TNIK: variants seen among roughly 807,000 people sequenced by gnomAD.
The protein encoded by TNIK is TRAF2 and NCK interacting kinase.
A neutral mutation model predicts 191.3 loss-of-function variants in TNIK; 49 were observed. The ratio of observed to expected loss-of-function variants is 0.26; its 90% CI spans 0.20 to 0.32. TNIK has a LOEUF of 0.32. Among genes scored for constraint, TNIK ranks in the 10% least tolerant of loss-of-function variants. TNIK has a pLI of 1.00. For synonymous variants in TNIK, 594 were observed against 600.9 expected (o/e 0.99, Z 0.17); for missense variants, 1,155 against 1,702.3 (o/e 0.68, Z 5.66).
intron 1 of TNIK, among the ~76,000 whole-genome samples, chr3:171,415,274 T>TA (rs1722910768): frequency 6.6e-6 from 1 of 152,200 alleles, no homozygotes; most frequent in African/African-American, 2.4e-5. Context: ...TGTTTCATCA[T>TA]AGCACTTAAC....
rs765177133 is a variant in TNIK at position 171,066,485 on chromosome 3, T to G, written c.3859+91A>C. 34 of 1,505,814 alleles carry G rather than the reference T, an allele frequency of 2.3e-5. No individual in the cohort carries two copies. In the East Asian group the frequency reaches 2.6e-4, roughly 11 times the overall value. The allele number at this position is 1,505,814 out of a possible 1,614,324, so 93.3% of individuals were successfully genotyped here. On this transcript the variant is annotated intron_variant, in intron 31 of 32. Transcript: ENST00000436636. ...TTCACAGATTTTTTTTTTTTTTTTT[T>G]TGTGGAATCAAATGGTTGTTTCACA...
chr3:171,171,496 C>A (rs555858667), intron 9 of TNIK, among the ~76,000 whole-genome samples: 31 of 152,354 alleles, frequency 2.0e-4, no homozygotes, highest in African/African-American at 7.2e-4. Flanking sequence ...ACACCTGCAT[C>A]TGAAGCATGA....
chr3:171,395,035 A>T (rs1310386262), intron 1 of TNIK, among the ~76,000 whole-genome samples: 3 of 152,196 alleles, frequency 2.0e-5, no homozygotes, highest in Non-Finnish European at 4.4e-5. Context: ...ACTAAACAAT[A>T]TACGGCTTGA....
chr3:171,172,915 A>G (rs1735492335), intron 9 of TNIK, among the ~76,000 whole-genome samples: 1 of 152,196 alleles, frequency 6.6e-6, no homozygotes, highest in Non-Finnish European at 1.5e-5. Flanking sequence ...AAGCCGAAAA[A>G]TCAGACTGCA....
chr3:171,388,790 T>C (rs1035229662), intron 1 of TNIK, among the ~76,000 whole-genome samples: 2 of 152,250 alleles, frequency 1.3e-5, no homozygotes, highest in Non-Finnish European at 2.9e-5. Flanking sequence ...TTCTCCTTTG[T>C]GTTCTAACAG....
chr3:171,317,338 C>T (rs932692405), intron 2 of TNIK, among the ~76,000 whole-genome samples: 5 of 152,140 alleles, frequency 3.3e-5, no homozygotes, highest in Non-Finnish European at 7.4e-5. Context: ...TCATCACAGG[C>T]ATCTGGATAG....
At chr3:171,243,644 G>A (rs1228122918) in intron 2 of TNIK, among the ~76,000 whole-genome samples, 1 of 152,010 alleles carries the variant, frequency 6.6e-6, no homozygotes, top group Non-Finnish European at 1.5e-5. Context: ...GTCTTAAGTC[G>A]ATTTTATTAT....
intron 21 of TNIK, among the ~76,000 whole-genome samples, chr3:171,104,840 C>T (rs1560116433): frequency 6.6e-6 from 1 of 152,096 alleles, no homozygotes; most frequent in Non-Finnish European, 1.5e-5. Flanking sequence ...GTTCACCTTC[C>T]ATCCAATCTA....
At chr3:171,070,641 G>A (rs993608708) in intron 29 of TNIK, among the ~76,000 whole-genome samples, 28 of 152,060 alleles carry the variant, frequency 1.8e-4, no homozygotes, top group Non-Finnish European at 1.2e-4. Context: ...CCCACTCCTG[G>A]CAAATCTCAT....
intron 2 of TNIK, among the ~76,000 whole-genome samples, chr3:171,233,953 A>T (rs1233373871): frequency 6.6e-6 from 1 of 152,200 alleles, no homozygotes; most frequent in Non-Finnish European, 1.5e-5. Context: ...AAAACCTGGA[A>T]GATGATTTTA....
intron 23 of TNIK, among the ~76,000 whole-genome samples, chr3:171,089,864 A>G (rs1721840196): frequency 6.6e-6 from 1 of 152,120 alleles, no homozygotes; most frequent in Non-Finnish European, 1.5e-5. Context: ...CATTCCATCA[A>G]TTATCTTGCC....
intron 27 of TNIK, among the ~76,000 whole-genome samples, chr3:171,080,804 C>T (rs1009730995): frequency 6.6e-5 from 10 of 152,276 alleles, no homozygotes; most frequent in Non-Finnish European, 1.3e-4. Flanking sequence ...ATCACCTAAA[C>T]TAAGGGAATC....
chr3:171,408,364 A>G (rs1721972164), intron 1 of TNIK, among the ~76,000 whole-genome samples: 1 of 152,190 alleles, frequency 6.6e-6, no homozygotes. Context: ...AATGAAAGAT[A>G]CCGGTGGCTC....
intron 30 of TNIK, among the ~76,000 whole-genome samples, chr3:171,067,896 T>C (rs1021267430): frequency 5.9e-5 from 9 of 152,192 alleles, no homozygotes; most frequent in South Asian, 2.1e-4. Flanking sequence ...TCCACATGAG[T>C]TAAAAGTGGT....
intron 1 of TNIK, among the ~76,000 whole-genome samples, chr3:171,376,683 TCATCTC>T: frequency 6.7e-6 from 1 of 149,852 alleles, no homozygotes. Flanking sequence ...CCCAAAGAAG[TCATCTC>T]AACTGGAATA....
At chr3:171,399,310 A>G (rs1414229449) in intron 1 of TNIK, among the ~76,000 whole-genome samples, 2 of 152,318 alleles carry the variant, frequency 1.3e-5, no homozygotes, top group African/African-American at 2.4e-5. Flanking sequence ...AAGTAGATGC[A>G]AACAGGAGCA....
At chr3:171,452,335 A>T (rs934274219) in intron 1 of TNIK, among the ~76,000 whole-genome samples, 4 of 152,194 alleles carry the variant, frequency 2.6e-5, no homozygotes, top group Admixed American at 1.3e-4. Context: ...ATAAGAATCC[A>T]TGGCTATTTA....
intron 2 of TNIK, among the ~76,000 whole-genome samples, chr3:171,260,285 G>A (rs1747436499): frequency 6.6e-6 from 1 of 152,088 alleles, no homozygotes; most frequent in African/African-American, 2.4e-5. Context: ...CAAAATTGAG[G>A]CCATTATTTC....
intron 2 of TNIK, among the ~76,000 whole-genome samples, chr3:171,300,406 G>T (rs1560395623): frequency 6.6e-6 from 1 of 152,172 alleles, no homozygotes; most frequent in Non-Finnish European, 1.5e-5. Context: ...AGGTTGTAAG[G>T]AAGAAATTTT....
Sources: gnomAD v4.1 joint callset for allele counts (sites outside exome capture counted in the v4.1 genomes callset) on GRCh38, gnomAD v4.1.1 for gene constraint, MANE v1.5 for transcripts, NCBI Gene and HGNC (gene_info 2026-07-23, HGNC 2026-07-21) for gene names.